Variants in RHBDF1 observed in about 807,000 individuals in gnomAD.
The protein encoded by RHBDF1 is inactive rhomboid protein 1.
In RHBDF1, 80 loss-of-function variants were observed where a neutral mutation model predicts 98.6. That is an observed-to-expected ratio of 0.81 (90% CI 0.68 to 0.98). RHBDF1 has a LOEUF of 0.98. Among genes scored for constraint, RHBDF1 ranks in the 50% least tolerant of loss-of-function variants. The probability of loss-of-function intolerance (pLI) is 0.00; values close to 1 mark genes in which losing one functional copy is unlikely to be tolerated. For synonymous variants in RHBDF1, 512 were observed against 486.8 expected (o/e 1.05, Z -0.68); for missense variants, 1,116 against 1,198.3 (o/e 0.93, Z 1.01).
At position 63,752 on chromosome 16, in the gene RHBDF1, C is replaced by G; in HGVS notation, c.297G>C (p.Gln99His). The change falls in exon 4 of 18, where the codon CAG (glutamine) becomes CAC (histidine). Residue 99 changes from glutamine to histidine, a missense_variant. Gln to His is a conservative substitution (Grantham distance 24). Transcript: ENST00000262316. ...FGVSKDSDST[Q>H]KWQRKSIRHC... ...GACGGATGCTCTTGCGCTGCCATTTCTGGGTGCTGTCACTGTCCTTGCTCA... is the reference window on the plus strand; with the variant it reads ...GACGGATGCTCTTGCGCTGCCATTTGTGGGTGCTGTCACTGTCCTTGCTCA... The G allele has an allele frequency of 6.2e-7, 1 of 1,613,992 alleles. No individual in the cohort carries two copies. Among genetic ancestry groups the G allele is most frequent in the Non-Finnish European group, 8.5e-7 (1 of 1,179,984 alleles).
At position 61,111 on chromosome 16, in the gene RHBDF1, G is replaced by A; in HGVS notation, c.1557+9C>T. 1 of 1,522,024 alleles carries A rather than the reference G, an allele frequency of 6.6e-7. No individual in the cohort carries two copies. Among genetic ancestry groups the A allele is most frequent in the East Asian group, 2.5e-5 (1 of 40,374 alleles). 94.3% of individuals were successfully genotyped at this position (1,522,024 alleles called of 1,614,324 possible). On this transcript the variant is annotated intron_variant, in intron 11 of 17. Coordinates refer to ENST00000262316, the MANE Select transcript of RHBDF1 (RefSeq NM_022450.5). ...GACGAAGGCGGGAGTCCCGGGCGGG[G>A]AAACGCACCGAGCACTCCTCCTCCG...
At position 59,116 on chromosome 16, in the gene RHBDF1, C is replaced by T; in HGVS notation, c.2006G>A (p.Cys669Tyr). Residue 669 changes from cysteine (C) to tyrosine (Y), a missense_variant, in exon 17 of 18, where the codon TGC becomes TAC. Coordinates refer to ENST00000262316, the MANE Select transcript of RHBDF1 (RefSeq NM_022450.5). ...SLFLHAGILH[C>Y]LVSICFQMTV... ...CATCTGGAAGCAGATGGACACCAGGCAGTGCAAGATCCTGTAGTCAGTAGC... is the reference window on the plus strand; with the variant it reads ...CATCTGGAAGCAGATGGACACCAGGTAGTGCAAGATCCTGTAGTCAGTAGC... 1 of 1,613,472 alleles carries T rather than the reference C, an allele frequency of 6.2e-7. No homozygotes were observed. The highest frequency in any genetic ancestry group is 1.1e-5 in the South Asian group (1 of 91,076).
rs1897731412 is a variant in RHBDF1 at position 63,681 on chromosome 16, T to C, written c.368A>G (p.Glu123Gly). ...YGKLKPQVLR[E>G]LDLPSQDNVS... ...GTTGTCCTGGCTGGGCAGGTCCAGC[T>C]CCCGGAGGACCTGGGGCTTCAGCTT... is the stretch of plus-strand genomic sequence containing the variant. Residue 123 changes from glutamate (E) to glycine (G), a missense_variant, in exon 4 of 18, where the codon GAG becomes GGG. Coordinates refer to ENST00000262316, the MANE Select transcript of RHBDF1 (RefSeq NM_022450.5). 2 of 1,612,930 alleles carry C rather than the reference T, an allele frequency of 1.2e-6. No individual in the cohort carries two copies. Among genetic ancestry groups the C allele is most frequent in the East Asian group, 4.5e-5 (2 of 44,868 alleles).
intron 1 of RHBDF1, among the ~76,000 whole-genome samples, chr16:71,724 G>A (rs963165689): frequency 6.6e-6 from 1 of 152,162 alleles, no homozygotes; most frequent in Non-Finnish European, 1.5e-5. Context: ...AGCAGGCCCT[G>A]GGGGGCCAGG....
rs552818804 is a variant in RHBDF1 at position 70,954 on chromosome 16, A to C, written c.-25+1559T>G. Reference sequence around the variant, plus strand: ...AGCCAAGGAATCCAATCACTGGGCAAAATGTGATCCTGGCACAGACACTGA... The same window carrying C: ...AGCCAAGGAATCCAATCACTGGGCACAATGTGATCCTGGCACAGACACTGA... On this transcript the variant is annotated intron_variant, in intron 1 of 17. Coordinates refer to ENST00000262316, the MANE Select transcript of RHBDF1 (RefSeq NM_022450.5). Among the ~76,000 whole-genome samples the C allele has an allele frequency of 8.5e-5, 13 of 152,372 alleles. No homozygotes were observed. In the East Asian group the frequency reaches 2.5e-3, roughly 29 times the overall value.
upstream of RHBDF1, chr16:73,973 C>T (rs1756350371): frequency 9.1e-6 from 9 of 984,578 alleles, no homozygotes; most frequent in Non-Finnish European, 1.1e-5. Context: ...GTCCATGCCA[C>T]GGGATAGGGC....
Position 61,650 on chromosome 16 carries a change from TG to T in RHBDF1, c.1254del (p.Ile419SerfsTer2). On this transcript the variant is annotated frameshift_variant, in exon 9 of 18. Transcript: ENST00000262316. LOFTEE classifies it high-confidence loss of function. ...ATGCCATAGATGCACACGGCTAGGA[TG>T]GTGACGAGCGAGTGCACGAAGGTAA... Reference protein sequence around the residue: ...YWLTFVHSLVTILAVCIYGIA... With the variant: ...YWLTFVHSLVXILAVCIYGIA... 2 of 1,613,322 alleles carry T rather than the reference TG, an allele frequency of 1.2e-6. No homozygotes were observed. The highest frequency in any genetic ancestry group is 1.3e-5 in the African/African-American group (1 of 74,988).
chr16:70,216 C>G (rs1897936496), intron 1 of RHBDF1, among the ~76,000 whole-genome samples: 1 of 152,224 alleles, frequency 6.6e-6, no homozygotes, highest in Non-Finnish European at 1.5e-5. Flanking sequence ...ACACTAGATT[C>G]TGGGGGTAAA....
intron 14 of RHBDF1, 37 bp downstream of exon 14, chr16:59,695 C>A: frequency 1.2e-6 from 2 of 1,609,660 alleles, no homozygotes. Context: ...TGCTCTGAGC[C>A]CAGAGACCAG....
In RHBDF1 at chr16:60,534, C is replaced by T. The variant is rs1897571348; in HGVS notation, c.1563G>A (p.Thr521=). 1 of 1,607,220 alleles carries T rather than the reference C, an allele frequency of 6.2e-7. No individual in the cohort carries two copies. Among genetic ancestry groups the T allele is most frequent in the Non-Finnish European group, 8.5e-7 (1 of 1,179,538 alleles). ...TGGGCCACTTCACCCACACTGCCAGCGTGGACTGTGGGAGGGGGACACAGG... is the reference window on the plus strand; with the variant it reads ...TGGGCCACTTCACCCACACTGCCAGTGTGGACTGTGGGAGGGGGACACAGG... ...VQTSEEECSS[T]LAVWVKWPIH... The change falls in exon 12 of 18, where the codon ACG becomes ACA. Residue 521 remains threonine, a synonymous_variant. Coordinates refer to ENST00000262316, the MANE Select transcript of RHBDF1 (RefSeq NM_022450.5).
intron 1 of RHBDF1, among the ~76,000 whole-genome samples, chr16:65,866 C>A (rs1567117620): frequency 6.6e-6 from 1 of 152,250 alleles, no homozygotes; most frequent in Non-Finnish European, 1.5e-5. Flanking sequence ...GCCACGCGCC[C>A]AGAAACAGCA....
At position 58,212 on chromosome 16, in the gene RHBDF1, G is replaced by A. The variant is rs538788995; in HGVS notation, c.*128C>T. 3 of 826,608 alleles carry A rather than the reference G, an allele frequency of 3.6e-6. No individual in the cohort carries two copies. Among genetic ancestry groups the A allele is most frequent in the African/African-American group, 3.4e-5 (2 of 58,280 alleles). 51.2% of individuals were successfully genotyped at this position (826,608 alleles called of 1,614,324 possible). A position where few individuals can be genotyped will look rare whatever the true frequency, so the allele number is the denominator to read the frequency against. On this transcript the variant is annotated 3_prime_UTR_variant, in exon 18 of 18. Coordinates refer to ENST00000262316, the MANE Select transcript of RHBDF1 (RefSeq NM_022450.5). ...AGAAGTGAACAAGGCACAAGAAAGA[G>A]GTCTGTGTTCAGGAAACAGGCCAGT...
At chr16:67,525 C>G (rs930379656) in intron 1 of RHBDF1, among the ~76,000 whole-genome samples, 6 of 152,222 alleles carry the variant, frequency 3.9e-5, no homozygotes, top group African/African-American at 1.4e-4. Flanking sequence ...TCCCTGGCTC[C>G]TGCTCTCCGC....
At position 62,763 on chromosome 16, in the gene RHBDF1, G is replaced by C. The variant is rs201959203; in HGVS notation, c.795+12C>G. On this transcript the variant is annotated intron_variant, in intron 6 of 17. Coordinates refer to ENST00000262316, the MANE Select transcript of RHBDF1 (RefSeq NM_022450.5). ...GAACGTGGGGTGGGGGGACACCCCG[G>C]GCACTTCTTACCCGGGCAAAGAAGG... The C allele has an allele frequency of 1.2e-6, 2 of 1,614,040 alleles. 1 individual carries two copies. Among genetic ancestry groups the C allele is most frequent in the East Asian group, 4.5e-5 (2 of 44,884 alleles).
chr16:65,884 G>T (rs990332020), intron 1 of RHBDF1, among the ~76,000 whole-genome samples: 1 of 152,254 alleles, frequency 6.6e-6, no homozygotes, highest in African/African-American at 2.4e-5. Flanking sequence ...GCAGTGAGGC[G>T]GCTCGGTGCC....
chr16:61,028 G>C (rs1026043243), intron 11 of RHBDF1, 92 bp downstream of exon 11: 4 of 1,376,700 alleles, frequency 2.9e-6, no homozygotes, highest in Non-Finnish European at 2.9e-6. Context: ...TGCCAGGAAC[G>C]AGGGCGAAGG....
intron 9 of RHBDF1, 45 bp downstream of exon 9, chr16:61,540 C>G: frequency 1.2e-6 from 2 of 1,610,610 alleles, no homozygotes; most frequent in Non-Finnish European, 1.7e-6. Flanking sequence ...GGGTCCAGTG[C>G]CCGGACTCCA....
intron 6 of RHBDF1, 23 bp from the exon 7 acceptor site, chr16:62,718 G>A (rs759475552): frequency 6.2e-7 from 1 of 1,614,126 alleles, no homozygotes; most frequent in Admixed American, 1.7e-5. Flanking sequence ...ATGAGGTCAG[G>A]GTGGACACAG....
chr16:62,347 G>A, intron 7 of RHBDF1, 191 bp downstream of exon 7: 1 of 819,684 alleles, frequency 1.2e-6, no homozygotes, highest in Non-Finnish European at 1.9e-6. Flanking sequence ...CCATTCCACA[G>A]GCAAGCCATG....
Sources: allele counts gnomAD v4.1 joint callset (sites outside exome capture counted in the v4.1 genomes callset), GRCh38; gene constraint gnomAD v4.1.1; transcripts MANE v1.5; gene names NCBI Gene and HGNC (gene_info 2026-07-23, HGNC 2026-07-21).